The following CCDC136 variants were observed in gnomAD, a reference collection of about 807,000 sequenced individuals.
CCDC136 encodes coiled-coil domain-containing protein 136.
A neutral mutation model predicts 141.2 loss-of-function variants in CCDC136; 100 were observed. The observed-to-expected ratio is 0.71, with a 90% confidence interval of 0.60 to 0.84. CCDC136 has a LOEUF of 0.84. Among genes scored for constraint, CCDC136 ranks in the 40% least tolerant of loss-of-function variants. The pLI, the probability that CCDC136 is intolerant of heterozygous loss-of-function variation, is 0.00. For missense variants in CCDC136, 1,206 were observed against 1,379.4 expected (o/e 0.87, Z 1.99); for synonymous variants, 474 against 531.9 (o/e 0.89, Z 1.50).
chr7:128,807,293 C>T, intron 9 of CCDC136, 67 bp from the exon 10 acceptor site: 12 of 1,243,340 alleles, frequency 9.7e-6, no homozygotes, highest in Non-Finnish European at 1.3e-5. Flanking sequence ...TTAGTCCCCG[C>T]CTGGGAGGAG....
chr7:128,796,088 G>C (rs925888151), intron 3 of CCDC136, among the ~76,000 whole-genome samples: 65 of 152,168 alleles, frequency 4.3e-4, no homozygotes, highest in African/African-American at 1.5e-3. Context: ...CGATTCTAGT[G>C]CCTCAGCCTC....
At chr7:128,812,459 C>A in intron 13 of CCDC136, 147 bp downstream of exon 13, 1 of 913,950 alleles carries the variant, frequency 1.1e-6, no homozygotes, top group Non-Finnish European at 1.6e-6. Flanking sequence ...AGCCCTCTAC[C>A]CATGGCAGCC....
chr7:128,808,989 A>G, intron 10 of CCDC136: 7 of 985,032 alleles, frequency 7.1e-6, no homozygotes, highest in Non-Finnish European at 8.4e-6. Flanking sequence ...GAATTAGGAA[A>G]GCAAAAATGG....
Position 128,794,773 on chromosome 7 carries a change from T to C in CCDC136, c.346+5T>C, listed in dbSNP as rs1802698252. On this transcript the variant is annotated splice_donor_5th_base_variant and intron_variant, in intron 3 of 17. Transcript: ENST00000297788. This position sits in a 1 kb window ranked among gnomAD's most constrained non-coding sequence, Gnocchi z 4.3. ...AGCAGATCCAGCAGCTCCAAGGTAATTCCCAGGACTTGGACTGGAGGGAGG... is the reference window on the plus strand; with the variant it reads ...AGCAGATCCAGCAGCTCCAAGGTAACTCCCAGGACTTGGACTGGAGGGAGG... The C allele has an allele frequency of 1.9e-6, 3 of 1,551,016 alleles. No homozygotes were observed. The African/African-American group carries it at 4.1e-5, about 21-fold the overall frequency.
At position 128,801,499 on chromosome 7, in the gene CCDC136, T is replaced by G. The variant is rs748154646; in HGVS notation, c.660T>G (p.Ser220=). 45 of 1,601,292 alleles carry G rather than the reference T, an allele frequency of 2.8e-5. No individual in the cohort carries two copies. Among genetic ancestry groups the G allele is most frequent in the Non-Finnish European group, 3.8e-5 (44 of 1,170,624 alleles). The change falls in exon 4 of 18, where the codon TCT becomes TCG. Residue 220 remains serine, a synonymous_variant. Transcript: ENST00000297788. The part of the protein sequence containing the change: ...PSGSLGLSDY[S]GLQEELQELR... ...GTAGTTTAGGTCTCTCAGATTACTC[T>G]GGGTTACAAGGTATGAGAGCCATCA...
intron 12 of CCDC136, chr7:128,811,460 T>C (rs1245345592): frequency 2.3e-6 from 1 of 437,062 alleles, no homozygotes; most frequent in African/African-American, 2.0e-5. Flanking sequence ...ATAACAGGTA[T>C]ACCTGACTGA....
Position 128,811,839 on chromosome 7 carries a change from G to A in CCDC136, c.2068G>A (p.Val690Met). 6.2e-7 allele frequency: 1 copy of A among 1,605,886 alleles called. No homozygotes were observed. The highest frequency in any genetic ancestry group is 1.1e-5 in the South Asian group (1 of 89,848). ...LLMEQMQALQVMYDAGQAKQE... is the reference protein window; with the variant it reads ...LLMEQMQALQMMYDAGQAKQE... ...CATGGAGCAGATGCAGGCCCTGCAG[G>A]TGATGTATGACGCCGGTCAGGCGAA... Residue 690 changes from valine (V) to methionine (M), a missense_variant, in exon 13 of 18, where the codon GTG becomes ATG. Transcript: ENST00000297788.
In CCDC136 at chr7:128,792,025, T is replaced by G. The variant is rs1802248056; in HGVS notation, c.-387T>G. ...TCTTCTTCACTGGCTCCCGCCCTCT[T>G]TCAGTCTTGGCCCTCTCCTCCCTGT... On this transcript the variant is annotated 5_prime_UTR_variant, in exon 1 of 18. Transcript: ENST00000297788. 1.6e-6 allele frequency: 2 copies of G among 1,213,976 alleles called. No homozygotes were observed. The highest frequency in any genetic ancestry group is 2.4e-5 in the South Asian group (1 of 42,338). 75.2% of individuals were successfully genotyped at this position (1,213,976 alleles called of 1,614,324 possible). A position where few individuals can be genotyped will look rare whatever the true frequency, so the allele number is the denominator to read the frequency against.
At chr7:128,793,375 C>G (rs550586174) in intron 1 of CCDC136, among the ~76,000 whole-genome samples, 1 of 152,210 alleles carries the variant, frequency 6.6e-6, no homozygotes, top group South Asian at 2.1e-4. Flanking sequence ...CCTCATATGG[C>G]TCAGCTAGGG....
rs1173538707 is a variant in CCDC136 at position 128,817,747 on chromosome 7, G to C, written c.3364-11G>C. ...CTCCTCGTGCTTCTTTCTCATTTTG[G>C]TGTGTTGCAGTCATCCCCTACCCCC... On this transcript the variant is annotated splice_polypyrimidine_tract_variant and intron_variant, in intron 16 of 17. Coordinates refer to ENST00000297788, the MANE Select transcript of CCDC136 (RefSeq NM_022742.5). This position sits in a 1 kb window ranked among gnomAD's most constrained non-coding sequence, Gnocchi z 4.6. 6 of 1,585,770 alleles carry C rather than the reference G, an allele frequency of 3.8e-6. No homozygotes were observed. The highest frequency in any genetic ancestry group is 1.3e-5 in the African/African-American group (1 of 74,292).
At chr7:128,797,146 T>C (rs781041612) in intron 3 of CCDC136, among the ~76,000 whole-genome samples, 78 of 151,764 alleles carry the variant, frequency 5.1e-4, no homozygotes, top group Non-Finnish European at 9.7e-4. Flanking sequence ...TGATGGAAGG[T>C]GGTGATGTTT....
At chr7:128,796,739 A>ATATATATATATTTTTTTG in intron 3 of CCDC136, among the ~76,000 whole-genome samples, 6 of 113,374 alleles carry the variant, frequency 5.3e-5, no homozygotes, top group African/African-American at 2.8e-4. Flanking sequence ...ATATATATAT[A>ATATATATATATTTTTTTG]TTCTTTTTTT....
At position 128,817,769 on chromosome 7, in the gene CCDC136, C is replaced by A. The variant is rs762912548; in HGVS notation, c.3375C>A (p.Thr1125=). The A allele has an allele frequency of 6.2e-7, 1 of 1,613,474 alleles. No individual in the cohort carries two copies. The highest frequency in any genetic ancestry group is 1.7e-5 in the Admixed American group (1 of 60,010). Residue 1125 remains threonine, a synonymous_variant, in exon 17 of 18, where the codon ACC becomes ACA. Coordinates refer to ENST00000297788, the MANE Select transcript of CCDC136 (RefSeq NM_022742.5). This position sits in a 1 kb window ranked among gnomAD's most constrained non-coding sequence, Gnocchi z 4.6. ...TTGGTGTGTTGCAGTCATCCCCTAC[C>A]CCCAATCCCCCCATCTTCTCCTTGC... is the stretch of plus-strand genomic sequence containing the variant. ...RLSESKKSSP[T]PNPPIFSLPL...
intron 9 of CCDC136, 85 bp from the exon 10 acceptor site, chr7:128,807,275 G>A (rs1805005408): frequency 9.9e-7 from 1 of 1,008,024 alleles, no homozygotes; most frequent in Non-Finnish European, 1.3e-6. Context: ...AAGGGAAGAT[G>A]GGTCCCCTTA....
chr7:128,814,394 G>GT (rs772148021), intron 14 of CCDC136, among the ~76,000 whole-genome samples: 5 of 152,116 alleles, frequency 3.3e-5, no homozygotes, highest in East Asian at 1.9e-4. Context: ...GCGCCCTGCC[G>GT]TTTTTTTCAT....
Position 128,821,120 on chromosome 7 carries a change from C to G in CCDC136, c.*6-679C>G, listed in dbSNP as rs914025207. Among the ~76,000 whole-genome samples the G allele has an allele frequency of 6.6e-6, 1 of 152,160 alleles. No individual in the cohort carries two copies. The highest frequency in any genetic ancestry group is 2.4e-5 in the African/African-American group (1 of 41,428). On this transcript the variant is annotated intron_variant, in intron 17 of 17. Coordinates refer to ENST00000297788, the MANE Select transcript of CCDC136 (RefSeq NM_022742.5). The surrounding 1 kb of genome is among the most constrained non-coding windows in gnomAD (Gnocchi z 5.1). ...GGATATCTTCGATGGTGCCACTTGT[C>G]CCATGAATCAGCAGGGTTCCCTAGT...
Position 128,794,846 on chromosome 7 carries a change from T to C in CCDC136, c.346+78T>C, listed in dbSNP as rs3736279. On this transcript the variant is annotated intron_variant, in intron 3 of 17. Coordinates refer to ENST00000297788, the MANE Select transcript of CCDC136 (RefSeq NM_022742.5). The surrounding 1 kb of genome is among the most constrained non-coding windows in gnomAD (Gnocchi z 4.3). ...AGTACTTTTTTCCTGAGGGTTTGAC[T>C]GAAGCACAGCAGATAAAAATAACCA... is the stretch of plus-strand genomic sequence containing the variant. The C allele has an allele frequency of 0.15, 168,415 of 1,126,280 alleles. 13,057 individuals are homozygous for C. The highest frequency in any genetic ancestry group is 0.19 in the East Asian group (7,226 of 38,708). The allele number at this position is 1,126,280 out of a possible 1,614,324, so 69.8% of individuals were successfully genotyped here.
chr7:128,792,506 G>C (rs995808702), intron 1 of CCDC136, 79 bp downstream of exon 1: 11 of 1,144,356 alleles, frequency 9.6e-6, no homozygotes, highest in Non-Finnish European at 1.4e-5. Context: ...TGACCCCCAG[G>C]CCTCTGAGCC....
At chr7:128,806,904 T>C in intron 9 of CCDC136, 46 bp downstream of exon 9, 2 of 1,544,502 alleles carry the variant, frequency 1.3e-6, no homozygotes, top group African/African-American at 1.4e-5. Flanking sequence ...GGCATCATCT[T>C]GTGTGAGGGT....
Sources: gnomAD v4.1 joint callset for allele counts (sites outside exome capture counted in the v4.1 genomes callset) on GRCh38, gnomAD v4.1.1 for gene constraint, Gnocchi (gnomAD v3.1) non-coding constraint, MANE v1.5 for transcripts, NCBI Gene and HGNC (gene_info 2026-07-23, HGNC 2026-07-21) for gene names.